The following RAG1 variants were observed in gnomAD, a reference collection of about 807,000 sequenced individuals.
RAG1 encodes recombination activating 1, also known as V(D)J recombination-activating protein 1.
A neutral mutation model predicts 62.7 loss-of-function variants in RAG1; 35 were observed. The observed-to-expected ratio is 0.56, with a 90% confidence interval of 0.43 to 0.74. RAG1 has a LOEUF of 0.74. RAG1 is among the 30% of genes least tolerant of loss of function. RAG1 has a pLI of 0.00. For synonymous variants in RAG1, 461 were observed against 470.3 expected (o/e 0.98, Z 0.26); for missense variants, 1,169 against 1,278.6 (o/e 0.91, Z 1.31).
At chr11:36,513,247 T>A (rs1859951796) in intron 1 of RAG1, among the ~76,000 whole-genome samples, 1 of 152,198 alleles carries the variant, frequency 6.6e-6, no homozygotes, top group Admixed American at 6.5e-5. Flanking sequence ...AAATTTCTGT[T>A]CATTATAAAT....
At position 36,573,382 on chromosome 11, in the gene RAG1, A is replaced by G. The variant is rs1590701535; in HGVS notation, c.78A>G (p.Ser26=). 6.2e-7 allele frequency: 1 copy of G among 1,614,166 alleles called. No homozygotes were observed. The change falls in exon 2 of 2, where the codon TCA becomes TCG. Residue 26 remains serine (S), a synonymous_variant. Coordinates refer to ENST00000299440, the MANE Select transcript of RAG1 (RefSeq NM_000448.3). ...DEIQHPHIKF[S]EWKFKLFRVR... ...TTCAGCACCCACATATTAAATTTTC[A>G]GAATGGAAATTTAAGCTGTTCCGGG...
intron 1 of RAG1, among the ~76,000 whole-genome samples, chr11:36,514,951 A>G (rs1859976373): frequency 6.6e-6 from 1 of 152,240 alleles, no homozygotes; most frequent in South Asian, 2.1e-4. Flanking sequence ...CCTAAAGCTG[A>G]AATAAGCTAC....
At chr11:36,543,461 T>C (rs918857363) in intron 3 of RAG1, among the ~76,000 whole-genome samples, 5 of 152,214 alleles carry the variant, frequency 3.3e-5, no homozygotes, top group African/African-American at 1.2e-4. Flanking sequence ...TTCCAGGCTC[T>C]ACCCGAAAAA....
upstream of RAG1, chr11:36,567,300 A>G (rs1590696832): frequency 6.7e-6 from 1 of 150,032 alleles, no homozygotes; most frequent in East Asian, 1.9e-4. Context: ...CACATAAAAC[A>G]CTTACAAGCC....
At chr11:36,560,029 G>T (rs546772318) in intron 3 of RAG1, among the ~76,000 whole-genome samples, 1 of 152,110 alleles carries the variant, frequency 6.6e-6, no homozygotes, top group Admixed American at 6.5e-5. Flanking sequence ...AGACTTTTTC[G>T]TGTGAGTCTG....
chr11:36,513,188 A>T (rs1220056495), intron 1 of RAG1, among the ~76,000 whole-genome samples: 1 of 152,188 alleles, frequency 6.6e-6, no homozygotes, highest in Non-Finnish European at 1.5e-5. Context: ...CTCTTGCAAG[A>T]TACCAGCCCC....
chr11:36,541,166 G>C (rs988597391), intron 3 of RAG1, among the ~76,000 whole-genome samples: 4 of 152,136 alleles, frequency 2.6e-5, no homozygotes, highest in African/African-American at 7.2e-5. Context: ...GTAAACAATG[G>C]AGCTATATTA....
chr11:36,557,352 C>T (rs1252590995), intron 3 of RAG1, among the ~76,000 whole-genome samples: 6 of 116,132 alleles, frequency 5.2e-5, no homozygotes, highest in Non-Finnish European at 1.0e-4. Flanking sequence ...GCGCAATATT[C>T]GGGTGGGAGT....
intron 3 of RAG1, among the ~76,000 whole-genome samples, chr11:36,544,816 A>C (rs1395924650): frequency 6.6e-6 from 1 of 152,154 alleles, no homozygotes. Flanking sequence ...ATTGTGAAGG[A>C]GTTCTCATGA....
chr11:36,565,542 C>T (rs971425260), upstream of RAG1, among the ~76,000 whole-genome samples: 2 of 152,172 alleles, frequency 1.3e-5, no homozygotes, highest in African/African-American at 4.8e-5. Flanking sequence ...GTTGTCCAGG[C>T]TCTAGTTCAC....
rs1463523517 is a variant in RAG1 at position 36,579,477 on chromosome 11, T to C, written c.*3041T>C. The C allele has an allele frequency of 6.0e-6, 1 of 167,038 alleles. No individual in the cohort carries two copies. The highest frequency in any genetic ancestry group is 1.5e-5 in the Non-Finnish European group (1 of 68,116). 10.3% of individuals were successfully genotyped at this position (167,038 alleles called of 1,614,324 possible). On this transcript the variant is annotated 3_prime_UTR_variant, in exon 2 of 2. Transcript: ENST00000299440. ...TCATTTTTGGTGATTATTTTTTGTT[T>C]TGTAGAATTGCACTTCAGTTTATTT... is the stretch of plus-strand genomic sequence containing the variant.
intron 2 of RAG1, among the ~76,000 whole-genome samples, chr11:36,534,297 A>G (rs991420076): frequency 3.9e-5 from 6 of 152,230 alleles, no homozygotes; most frequent in African/African-American, 1.2e-4. Flanking sequence ...GCTTTCATGA[A>G]AAGTACGCTC....
chr11:36,545,476 A>C (rs1850378884), intron 3 of RAG1, among the ~76,000 whole-genome samples: 1 of 152,180 alleles, frequency 6.6e-6, no homozygotes, highest in Non-Finnish European at 1.5e-5. Flanking sequence ...CCAAGGAGAG[A>C]GGTCTCACCA....
intron 2 of RAG1, among the ~76,000 whole-genome samples, chr11:36,526,726 A>C (rs538118663): frequency 3.3e-5 from 5 of 152,138 alleles, no homozygotes; most frequent in Admixed American, 6.5e-5. Context: ...TATTTCTCCA[A>C]ATCCTCTCCA....
At chr11:36,523,225 G>A (rs1860108416) in intron 2 of RAG1, among the ~76,000 whole-genome samples, 1 of 152,190 alleles carries the variant, frequency 6.6e-6, no homozygotes, top group Non-Finnish European at 1.5e-5. Context: ...ATTCCCACGT[G>A]TTATGGGAAG....
chr11:36,561,795 G>A (rs1419164540), intron 3 of RAG1, among the ~76,000 whole-genome samples: 1 of 152,174 alleles, frequency 6.6e-6, no homozygotes, highest in Non-Finnish European at 1.5e-5. Context: ...TTAGTCTCTA[G>A]CTTGTGGATG....
At chr11:36,515,965 CT>C (rs1391519370) in intron 1 of RAG1, among the ~76,000 whole-genome samples, 1 of 152,046 alleles carries the variant, frequency 6.6e-6, no homozygotes, top group Non-Finnish European at 1.5e-5. Context: ...AAAACCTAGG[CT>C]TTTTTTGTGG....
chr11:36,518,966 A>G (rs1860036771), intron 1 of RAG1, among the ~76,000 whole-genome samples: 1 of 152,200 alleles, frequency 6.6e-6, no homozygotes, highest in Non-Finnish European at 1.5e-5. Context: ...ATAACCAAGT[A>G]ATGTTCATGT....
chr11:36,568,838 T>C (rs1241369484), intron 1 of RAG1, among the ~76,000 whole-genome samples: 4 of 152,180 alleles, frequency 2.6e-5, no homozygotes, highest in African/African-American at 9.7e-5. Flanking sequence ...AGAGGTTGTC[T>C]GAAGGAAGAG....
Sources: gnomAD v4.1 joint callset for allele counts (sites outside exome capture counted in the v4.1 genomes callset) on GRCh38, gnomAD v4.1.1 for gene constraint, MANE v1.5 for transcripts, NCBI Gene and HGNC (gene_info 2026-07-23, HGNC 2026-07-21) for gene names.